The following ERBB4 variants were observed in gnomAD, a reference collection of about 807,000 sequenced individuals.
ERBB4 encodes receptor tyrosine-protein kinase erbB-4.
Under a neutral mutation model 158.0 loss-of-function variants are expected in ERBB4, and 42 were observed. The observed-to-expected ratio is 0.27, with a 90% CI of 0.21 to 0.34. The LOEUF (loss-of-function observed/expected upper bound fraction) is 0.34, where lower values mean the gene tolerates loss of function less well. Among genes scored for constraint, ERBB4 ranks in the 10% least tolerant of loss-of-function variants. The probability of loss-of-function intolerance (pLI) is 1.00; values close to 1 mark genes in which losing one functional copy is unlikely to be tolerated. For missense variants in ERBB4, 1,333 were observed against 1,624.1 expected, an observed-to-expected ratio of 0.82 and a Z score of 3.08; for synonymous variants, 583 against 558.7, an observed-to-expected ratio of 1.04 and a Z score of -0.61.
chr2:212,055,946 G>C (rs1433683503), intron 2 of ERBB4, among the ~76,000 whole-genome samples: 1 of 152,214 alleles, frequency 6.6e-6, no homozygotes, highest in Non-Finnish European at 1.5e-5. Context: ...TTGACAAGTT[G>C]ACAGAAGAAG....
chr2:212,055,713 G>A (rs2077542582), intron 2 of ERBB4, among the ~76,000 whole-genome samples: 1 of 152,254 alleles, frequency 6.6e-6, no homozygotes, highest in South Asian at 2.1e-4. Flanking sequence ...CTGCAGCTGA[G>A]GGTCCTGACT....
intron 3 of ERBB4, among the ~76,000 whole-genome samples, chr2:211,851,834 T>A (rs1421946993): frequency 6.6e-6 from 1 of 151,920 alleles, no homozygotes. Flanking sequence ...AGAATTTTTT[T>A]AATCAAAAGC....
At chr2:211,580,804 AT>A (rs2068052206) in intron 19 of ERBB4, among the ~76,000 whole-genome samples, 1 of 61,326 alleles carries the variant, frequency 1.6e-5, no homozygotes, top group Non-Finnish European at 2.6e-5. Flanking sequence ...ATATATATAT[AT>A]ATATATAATA....
At chr2:211,563,913 A>G (rs891517820) in intron 19 of ERBB4, among the ~76,000 whole-genome samples, 3 of 152,220 alleles carry the variant, frequency 2.0e-5, no homozygotes, top group Admixed American at 6.5e-5. Context: ...ATGAAGGTAC[A>G]GTGTTCATTG....
intron 1 of ERBB4, among the ~76,000 whole-genome samples, chr2:212,132,894 C>T (rs2080150378): frequency 6.6e-6 from 1 of 152,020 alleles, no homozygotes; most frequent in African/African-American, 2.4e-5. Context: ...CTATCATAAG[C>T]CCATCCCTTG....
At chr2:211,730,295 A>G (rs2074388170) in intron 5 of ERBB4, among the ~76,000 whole-genome samples, 1 of 152,012 alleles carries the variant, frequency 6.6e-6, no homozygotes, top group Admixed American at 6.6e-5. Context: ...CAATAGCAAA[A>G]AAGACAAAGA....
chr2:212,190,532 G>A (rs1283186351), intron 1 of ERBB4, among the ~76,000 whole-genome samples: 7 of 39,334 alleles, frequency 1.8e-4, no homozygotes, highest in African/African-American at 2.8e-4. Context: ...GCGAGACTCC[G>A]TCTCAAAAAA....
In ERBB4 at chr2:212,414,732, G is replaced by A. The variant is rs544651078; in HGVS notation, c.82+123717C>T. 3.3e-5 allele frequency among the ~76,000 whole-genome samples: 5 copies of A among 152,186 alleles called. No individual in the cohort carries two copies. In the East Asian group the frequency reaches 9.6e-4, roughly 29 times the overall value. ...TCCTAGCTTTCTTTCTGTTTCATAT[G>A]AATCTAAACTAGAAAGCATATTGAA... On this transcript the variant is annotated intron_variant, in intron 1 of 27. Transcript: ENST00000342788.
intron 1 of ERBB4, among the ~76,000 whole-genome samples, chr2:212,429,872 A>C (rs1413964636): frequency 1.3e-5 from 2 of 152,222 alleles, no homozygotes; most frequent in African/African-American, 4.8e-5. Context: ...AAATACTTAA[A>C]ACTATTCATA....
intron 10 of ERBB4, 94 bp downstream of exon 10, chr2:211,705,224 T>G: frequency 1.2e-6 from 1 of 867,804 alleles, no homozygotes; most frequent in Non-Finnish European, 2.0e-6. Context: ...AGTGCTGGGA[T>G]TACTGGTGTG....
At chr2:212,117,436 C>T (rs2079604483) in intron 2 of ERBB4, among the ~76,000 whole-genome samples, 1 of 152,124 alleles carries the variant, frequency 6.6e-6, no homozygotes, top group Admixed American at 6.6e-5. Flanking sequence ...TCTCTTGCCA[C>T]CTGTCTCAAT....
chr2:212,264,673 A>G (rs1298228217), intron 1 of ERBB4, among the ~76,000 whole-genome samples: 5 of 152,188 alleles, frequency 3.3e-5, no homozygotes, highest in Non-Finnish European at 4.4e-5. Context: ...ATTCATAAAT[A>G]TTATAAAATG....
At chr2:212,413,373 T>C (rs1221908623) in intron 1 of ERBB4, among the ~76,000 whole-genome samples, 1 of 151,862 alleles carries the variant, frequency 6.6e-6, no homozygotes, top group African/African-American at 2.4e-5. Context: ...TTCAAATCAG[T>C]GAAAAAGCTA....
chr2:211,995,801 C>A (rs2082188021), intron 2 of ERBB4, among the ~76,000 whole-genome samples: 1 of 152,162 alleles, frequency 6.6e-6, no homozygotes, highest in Non-Finnish European at 1.5e-5. Context: ...GCAAAGCTTT[C>A]CAGCTGCTGA....
rs748687292 is a variant in ERBB4 at position 211,382,353 on chromosome 2, T to G, written c.*1262A>C. The G allele has an allele frequency of 8.6e-5, 20 of 232,460 alleles. No individual in the cohort carries two copies. Among genetic ancestry groups the G allele is most frequent in the Non-Finnish European group, 1.5e-4 (18 of 117,552 alleles). 14.4% of individuals were successfully genotyped at this position (232,460 alleles called of 1,614,324 possible). On this transcript the variant is annotated 3_prime_UTR_variant, in exon 28 of 28. Transcript: ENST00000342788. Reference sequence around the variant, plus strand: ...ATAATGTGCTGGCCTCTCATCATAGTCCCTGGATACCGTTGCAAGGTTCCT... The same window carrying G: ...ATAATGTGCTGGCCTCTCATCATAGGCCCTGGATACCGTTGCAAGGTTCCT...
rs1440972541 is a variant in ERBB4 at position 211,837,401 on chromosome 2, T to C, written c.422-49242A>G. 2.6e-5 allele frequency among the ~76,000 whole-genome samples: 4 copies of C among 152,060 alleles called. No individual in the cohort carries two copies. The East Asian group carries it at 7.7e-4, about 29-fold the overall frequency. On this transcript the variant is annotated intron_variant, in intron 3 of 27. Transcript: ENST00000342788. The stretch of plus-strand genomic sequence containing the variant: ...ACATAAAGGGCTCTTAAATAGATTC[T>C]CTGCACCAAAGAAAGCATGAGAGGC...
At chr2:212,036,954 T>C (rs76167728) in intron 2 of ERBB4, among the ~76,000 whole-genome samples, 1 of 152,278 alleles carries the variant, frequency 6.6e-6, no homozygotes, top group African/African-American at 2.4e-5. Context: ...GAAATGCAGC[T>C]AGATTTTATC....
chr2:211,492,380 TAA>T (rs1439400978), intron 20 of ERBB4, among the ~76,000 whole-genome samples: 7 of 152,264 alleles, frequency 4.6e-5, no homozygotes, highest in Admixed American at 1.3e-4. Context: ...ACTGCATTTA[TAA>T]GTTTCATTTT....
At chr2:212,077,025 T>C (rs1168455108) in intron 2 of ERBB4, among the ~76,000 whole-genome samples, 1 of 151,948 alleles carries the variant, frequency 6.6e-6, no homozygotes, top group Admixed American at 6.6e-5. Context: ...GCTAAACAAT[T>C]ATTAAATGTA....
Sources: allele counts gnomAD v4.1 joint callset (sites outside exome capture counted in the v4.1 genomes callset), GRCh38; gene constraint gnomAD v4.1.1; transcripts MANE v1.5; gene names NCBI Gene and HGNC (gene_info 2026-07-23, HGNC 2026-07-21).